TMEM135: variants seen among roughly 807,000 people sequenced by gnomAD.
TMEM135 encodes the protein transmembrane protein 135.
Under a neutral mutation model 60.3 loss-of-function variants are expected in TMEM135, and 30 were observed. The observed-to-expected ratio is 0.50, with a 90% CI of 0.37 to 0.68. The LOEUF is 0.68. Ranked by LOEUF, TMEM135 falls within the 30% of genes least tolerant of loss-of-function variation. The pLI, the probability that TMEM135 is intolerant of heterozygous loss-of-function variation, is 0.00. For missense variants in TMEM135, 468 were observed against 548.8 expected, an observed-to-expected ratio of 0.85 and a Z score of 1.47; for synonymous variants, 190 against 186.7, an observed-to-expected ratio of 1.02 and a Z score of -0.14.
rs779612083 is a variant in TMEM135, at chr11:87,302,360, G to T, written c.616G>T (p.Val206Leu). ...TTCACCAGAGGCAGCATATGCAAAAGTGGAACAAAAGAGAGAGCAACATGA... is the reference window on the plus strand; with the variant it reads ...TTCACCAGAGGCAGCATATGCAAAATTGGAACAAAAGAGAGAGCAACATGA... ...SFSPEAAYAKVEQKREQHEEK... is the reference protein window; with the variant it reads ...SFSPEAAYAKLEQKREQHEEK... The change falls in exon 8 of 15, where the codon GTG becomes TTG. Residue 206 changes from valine to leucine, a missense_variant. Transcript: ENST00000305494. 6.2e-7 allele frequency: 1 copy of T among 1,613,846 alleles called. No homozygotes were observed. The highest frequency in any genetic ancestry group is 8.5e-7 in the Non-Finnish European group (1 of 1,179,924).
intron 1 of TMEM135, among the ~76,000 whole-genome samples, chr11:87,060,484 T>A (rs1264557742): frequency 6.6e-6 from 1 of 152,210 alleles, no homozygotes; most frequent in Non-Finnish European, 1.5e-5. Flanking sequence ...TTTAAATTTA[T>A]AACATGCAGT....
intron 6 of TMEM135, among the ~76,000 whole-genome samples, chr11:87,285,054 T>C (rs1942138502): frequency 6.6e-6 from 1 of 152,196 alleles, no homozygotes; most frequent in Admixed American, 6.5e-5. Context: ...GATTAGAATA[T>C]TGAACATTTT....
At chr11:87,047,028 T>G (rs1408968253) in intron 1 of TMEM135, among the ~76,000 whole-genome samples, 2 of 152,194 alleles carry the variant, frequency 1.3e-5, no homozygotes, top group Non-Finnish European at 2.9e-5. Context: ...GCTTTTGTTA[T>G]TCCTCTGCCC....
rs143919665 is a variant in TMEM135 at position 87,216,618 on chromosome 11, A to G, written c.463-20020A>G. 1.1e-3 allele frequency among the ~76,000 whole-genome samples: 167 copies of G among 152,306 alleles called. 2 individuals are homozygous for G. The highest frequency in any genetic ancestry group is 3.9e-3 in the African/African-American group (161 of 41,570). On this transcript the variant is annotated intron_variant, in intron 5 of 14. Coordinates refer to ENST00000305494, the MANE Select transcript of TMEM135 (RefSeq NM_022918.4). ...TTTGCAGGTCTGGTTTTGTTTGAGC[A>G]AAGAGTTTCTTTGCTTAAAAAACAA...
At chr11:87,218,224 C>T (rs1565489934) in intron 5 of TMEM135, among the ~76,000 whole-genome samples, 1 of 152,122 alleles carries the variant, frequency 6.6e-6, no homozygotes, top group Non-Finnish European at 1.5e-5. Context: ...CCAAATCTCA[C>T]TAGTGTCAGT....
At chr11:87,110,948 T>C (rs1341740056) in intron 4 of TMEM135, among the ~76,000 whole-genome samples, 1 of 152,222 alleles carries the variant, frequency 6.6e-6, no homozygotes, top group African/African-American at 2.4e-5. Context: ...GGAGCTGACA[T>C]GAAAGTAAGT....
At chr11:87,274,828 GTTTATATATT>G (rs1941937921) in intron 6 of TMEM135, among the ~76,000 whole-genome samples, 4 of 132,444 alleles carry the variant, frequency 3.0e-5, no homozygotes, top group South Asian at 2.3e-4. Context: ...GTGTGTGTGT[GTTTATATATT>G]TATATATGTG....
At chr11:87,047,463 C>T (rs972789397) in intron 1 of TMEM135, among the ~76,000 whole-genome samples, 6 of 151,076 alleles carry the variant, frequency 4.0e-5, no homozygotes, top group Non-Finnish European at 7.4e-5. Context: ...GTGCGCGCAC[C>T]GTGCGCGAGC....
intron 1 of TMEM135, among the ~76,000 whole-genome samples, chr11:87,039,948 A>G (rs1184147574): frequency 6.6e-6 from 1 of 152,230 alleles, no homozygotes; most frequent in Non-Finnish European, 1.5e-5. Context: ...TCCTACTCCA[A>G]CAAGGTAGGT....
At chr11:87,193,051 G>A (rs917671778) in intron 5 of TMEM135, among the ~76,000 whole-genome samples, 2 of 152,088 alleles carry the variant, frequency 1.3e-5, no homozygotes, top group African/African-American at 4.8e-5. Context: ...GGAGGCAAAG[G>A]TTGCAGTGAG....
At chr11:87,172,063 C>T (rs1387731618) in intron 5 of TMEM135, among the ~76,000 whole-genome samples, 1 of 152,064 alleles carries the variant, frequency 6.6e-6, no homozygotes, top group Non-Finnish European at 1.5e-5. Context: ...CTTAATTAAG[C>T]CTTTAAAGTT....
chr11:87,267,573 C>T (rs1305813979), intron 6 of TMEM135, among the ~76,000 whole-genome samples: 2 of 152,010 alleles, frequency 1.3e-5, no homozygotes, highest in Non-Finnish European at 2.9e-5. Flanking sequence ...AAGTTTATTT[C>T]TTTTTTTATT....
intron 5 of TMEM135, among the ~76,000 whole-genome samples, chr11:87,194,066 A>T (rs1447253649): frequency 6.6e-6 from 1 of 152,166 alleles, no homozygotes; most frequent in Non-Finnish European, 1.5e-5. Context: ...TGAATCAGTT[A>T]AACACATTTA....
intron 1 of TMEM135, among the ~76,000 whole-genome samples, chr11:87,047,306 G>C (rs1055723452): frequency 6.6e-6 from 1 of 152,112 alleles, no homozygotes; most frequent in Non-Finnish European, 1.5e-5. Context: ...GTGTATTTTG[G>C]GAGGAGCCAA....
chr11:87,305,432 G>A (rs1231602768), intron 8 of TMEM135, among the ~76,000 whole-genome samples: 1 of 152,082 alleles, frequency 6.6e-6, no homozygotes, highest in African/African-American at 2.4e-5. Context: ...AATATATGTT[G>A]TTCTTGCTTC....
At chr11:87,134,589 C>G (rs2135236954) in intron 4 of TMEM135, among the ~76,000 whole-genome samples, 1 of 152,296 alleles carries the variant, frequency 6.6e-6, no homozygotes, top group Admixed American at 6.5e-5. Context: ...TCAGATGATC[C>G]TTTCACCTCA....
Position 87,323,208 on chromosome 11 carries a change from A to T in TMEM135, c.*1875A>T, listed in dbSNP as rs1349656654. On this transcript the variant is annotated 3_prime_UTR_variant, in exon 15 of 15. Coordinates refer to ENST00000305494, the MANE Select transcript of TMEM135 (RefSeq NM_022918.4). Reference sequence around the variant, plus strand: ...TTGCTGGTCAAAAAGGTGTATTTCTACAATTTACCTTTTCATTTTTATAAA... The same window carrying T: ...TTGCTGGTCAAAAAGGTGTATTTCTTCAATTTACCTTTTCATTTTTATAAA... 4.4e-6 allele frequency: 2 copies of T among 453,570 alleles called. No individual in the cohort carries two copies. The highest frequency in any genetic ancestry group is 4.7e-5 in the Admixed American group (2 of 42,494). The allele number at this position is 453,570 out of a possible 1,614,324, so 28.1% of individuals were successfully genotyped here.
At chr11:87,076,615 C>A (rs974318959) in intron 3 of TMEM135, among the ~76,000 whole-genome samples, 1 of 152,190 alleles carries the variant, frequency 6.6e-6, no homozygotes, top group African/African-American at 2.4e-5. Context: ...GAGTCTTTTG[C>A]CATAGCCAGC....
intron 6 of TMEM135, among the ~76,000 whole-genome samples, chr11:87,237,300 G>A (rs538732722): frequency 1.3e-5 from 2 of 151,806 alleles, no homozygotes; most frequent in African/African-American, 2.4e-5. Context: ...TTTTGATTAG[G>A]GAGAGTCCCC....
Sources: gnomAD v4.1 joint callset for allele counts (sites outside exome capture counted in the v4.1 genomes callset) on GRCh38, gnomAD v4.1.1 for gene constraint, MANE v1.5 for transcripts, NCBI Gene and HGNC (gene_info 2026-07-23, HGNC 2026-07-21) for gene names.